The following TUSC3 variants were observed in gnomAD, a reference collection of about 807,000 sequenced individuals.
The protein encoded by TUSC3 is tumor suppressor candidate 3, also known as dolichyl-diphosphooligosaccharide--protein glycosyltransferase subunit TUSC3.
In TUSC3, 45 loss-of-function variants were observed where a neutral mutation model predicts 44.8. The ratio of observed to expected loss-of-function variants is 1.00; its 90% CI spans 0.79 to 1.29. The LOEUF (loss-of-function observed/expected upper bound fraction) is 1.29. TUSC3 is among the 50% of genes most tolerant of loss of function. The pLI, the probability that TUSC3 is intolerant of heterozygous loss-of-function variation, is 0.00. For missense variants in TUSC3, 519 were observed against 437.9 expected (o/e 1.19, Z -1.65); for synonymous variants, 212 against 152.9 (o/e 1.39, Z -2.85).
chr8:15,809,714 C>T, the TUSC3 span, among the ~76,000 whole-genome samples: 4 of 152,158 alleles, frequency 2.6e-5, no homozygotes, highest in African/African-American at 9.6e-5. Context: ...ACTGTATTCA[C>T]CTATTTTCAG....
chr8:15,596,675 T>A (rs1036582869), intron 1 of TUSC3, among the ~76,000 whole-genome samples: 1 of 152,300 alleles, frequency 6.6e-6, no homozygotes, highest in Non-Finnish European at 1.5e-5. Flanking sequence ...CTTTAATTGA[T>A]TTTATTTAAT....
intron 1 of TUSC3, among the ~76,000 whole-genome samples, chr8:15,439,387 G>T (rs531458753): frequency 1.3e-5 from 2 of 152,230 alleles, no homozygotes; most frequent in South Asian, 4.2e-4. Context: ...GCAACACAGT[G>T]AGTCCTTATT....
At chr8:15,659,724 T>G (rs1463374401) in intron 4 of TUSC3, 77 bp downstream of exon 4, 4 of 1,556,798 alleles carry the variant, frequency 2.6e-6, no homozygotes, top group Non-Finnish European at 3.5e-6. Flanking sequence ...AAGGCCACAG[T>G]AATACTTTTT....
At chr8:15,585,413 A>T (rs1210020958) in intron 1 of TUSC3, among the ~76,000 whole-genome samples, 1 of 152,200 alleles carries the variant, frequency 6.6e-6, no homozygotes, top group African/African-American at 2.4e-5. Flanking sequence ...AGAAACGTGG[A>T]CACAAAGGGT....
At chr8:15,760,118 G>A (rs1477474568) in intron 10 of TUSC3, among the ~76,000 whole-genome samples, 8 of 152,010 alleles carry the variant, frequency 5.3e-5, no homozygotes, top group Admixed American at 4.6e-4. Flanking sequence ...TAAGATATGC[G>A]CTGATCATGT....
At chr8:15,762,672 A>G (rs1415753496) in intron 10 of TUSC3, among the ~76,000 whole-genome samples, 1 of 152,116 alleles carries the variant, frequency 6.6e-6, no homozygotes, top group Non-Finnish European at 1.5e-5. Context: ...AGTTCATTTT[A>G]TGATTAAGGT....
intron 2 of TUSC3, among the ~76,000 whole-genome samples, chr8:15,506,578 G>A (rs1479183097): frequency 1.3e-5 from 2 of 152,170 alleles, no homozygotes; most frequent in African/African-American, 2.4e-5. Flanking sequence ...CACAATCATG[G>A]CAGGAGGCAA....
intron 1 of TUSC3, among the ~76,000 whole-genome samples, chr8:15,622,862 G>T (rs2129164250): frequency 6.6e-6 from 1 of 151,852 alleles, no homozygotes; most frequent in East Asian, 1.9e-4. Context: ...GACTTCTCTA[G>T]CAAGTGGTCT....
intron 2 of TUSC3, among the ~76,000 whole-genome samples, chr8:15,486,126 A>G (rs2129125296): frequency 6.6e-6 from 1 of 152,286 alleles, no homozygotes; most frequent in Non-Finnish European, 1.5e-5. Context: ...TGAATAACAG[A>G]TGCACAGTGA....
intron 1 of TUSC3, among the ~76,000 whole-genome samples, chr8:15,562,516 T>A (rs60383904): frequency 6.6e-6 from 1 of 152,128 alleles, no homozygotes; most frequent in African/African-American, 2.4e-5. Flanking sequence ...TCTCCTAGTT[T>A]CTAGATGTCA....
the TUSC3 span, among the ~76,000 whole-genome samples, chr8:15,800,105 G>A: frequency 6.6e-6 from 1 of 152,178 alleles, no homozygotes; most frequent in Admixed American, 6.5e-5. Flanking sequence ...CTTTGTTACA[G>A]GGGAGACACT....
At chr8:15,620,309 T>C (rs768955785) in intron 1 of TUSC3, among the ~76,000 whole-genome samples, 7 of 152,180 alleles carry the variant, frequency 4.6e-5, no homozygotes, top group Non-Finnish European at 7.3e-5. Context: ...TTTGTCAAGA[T>C]TGATGCAAAA....
intron 2 of TUSC3, among the ~76,000 whole-genome samples, chr8:15,531,972 G>A (rs1402826843): frequency 6.6e-6 from 1 of 152,184 alleles, no homozygotes; most frequent in Admixed American, 6.5e-5. Context: ...ATTTCAGGTA[G>A]AAGATGCCAC....
intron 3 of TUSC3, among the ~76,000 whole-genome samples, chr8:15,656,893 G>A (rs1585199658): frequency 6.6e-6 from 1 of 152,192 alleles, no homozygotes; most frequent in Non-Finnish European, 1.5e-5. Context: ...CCAGAATGCT[G>A]CCAAGGCTCA....
the TUSC3 span, among the ~76,000 whole-genome samples, chr8:15,845,953 C>T: frequency 6.6e-6 from 1 of 152,034 alleles, no homozygotes; most frequent in African/African-American, 2.4e-5. Context: ...AGAATCATGG[C>T]AGGAGGGGAA....
chr8:15,747,514 T>G (rs984220466), intron 8 of TUSC3, among the ~76,000 whole-genome samples: 1 of 152,080 alleles, frequency 6.6e-6, no homozygotes, highest in African/African-American at 2.4e-5. Flanking sequence ...GTATTTAAAT[T>G]TTATAAGCAT....
intron 1 of TUSC3, among the ~76,000 whole-genome samples, chr8:15,480,853 A>G (rs989101447): frequency 7.2e-5 from 11 of 152,220 alleles, no homozygotes; most frequent in Admixed American, 7.2e-4. Flanking sequence ...TAAGACTTCA[A>G]TATACGAATT....
At position 15,764,453 on chromosome 8, in the gene TUSC3, A is replaced by T. The variant is rs1262321659; in HGVS notation, c.*297A>T. The T allele has an allele frequency of 3.1e-5, 14 of 454,388 alleles. No individual in the cohort carries two copies. Among genetic ancestry groups the T allele is most frequent in the South Asian group, 3.0e-4 (12 of 39,522 alleles). The allele number at this position is 454,388 out of a possible 1,614,324, so 28.1% of individuals were successfully genotyped here. ...AAGCCTGTTATATTCAGTGTGTGCC[A>T]CAGGATTGAAATAAATGACAATGTA... On this transcript the variant is annotated 3_prime_UTR_variant, in exon 11 of 11. Transcript: ENST00000503731.
At chr8:15,518,135 T>C (rs1181064301) in intron 2 of TUSC3, among the ~76,000 whole-genome samples, 1 of 152,148 alleles carries the variant, frequency 6.6e-6, no homozygotes, top group Non-Finnish European at 1.5e-5. Flanking sequence ...ATGTGGGCTT[T>C]TGTACTTGGC....
Sources: allele counts gnomAD v4.1 joint callset (sites outside exome capture counted in the v4.1 genomes callset), GRCh38; gene constraint gnomAD v4.1.1; transcripts MANE v1.5; gene names NCBI Gene and HGNC (gene_info 2026-07-23, HGNC 2026-07-21).